Variants in LARGE1 observed in about 807,000 individuals in gnomAD.
LARGE1 encodes xylosyl- and glucuronyltransferase LARGE1.
A neutral mutation model predicts 87.6 loss-of-function variants in LARGE1; 43 were observed. The observed-to-expected ratio is 0.49, with a 90% CI of 0.38 to 0.63. LARGE1 has a LOEUF of 0.63. Ranked by LOEUF, LARGE1 falls within the 30% of genes least tolerant of loss-of-function variation. The probability of loss-of-function intolerance (pLI) is 0.00; values close to 1 mark genes in which losing one functional copy is unlikely to be tolerated. For missense variants in LARGE1, 802 were observed against 1,000.2 expected, an observed-to-expected ratio of 0.80 and a Z score of 2.67; for synonymous variants, 434 against 394.6, an observed-to-expected ratio of 1.10 and a Z score of -1.18.
chr22:33,876,577 C>T lies in LARGE1; in HGVS notation c.-83+43418G>A, dbSNP rs371374999. The stretch of plus-strand genomic sequence containing the variant: ...AACCAAACACTGCATTGTTCTCACT[C>T]ACAAGTGGGAGTTGAACAATGAGAA... On this transcript the variant is annotated intron_variant, in intron 1 of 14. Transcript: ENST00000397394. Among the ~76,000 whole-genome samples the T allele has an allele frequency of 5.9e-5, 9 of 151,504 alleles. No homozygotes were observed. The East Asian group carries it at 9.7e-4, about 16-fold the overall frequency.
chr22:33,434,923 T>G (rs1261427804), intron 6 of LARGE1, among the ~76,000 whole-genome samples: 1 of 152,188 alleles, frequency 6.6e-6, no homozygotes, highest in East Asian at 1.9e-4. Context: ...AAGTCTGAAC[T>G]ATTACTTTAT....
At chr22:33,620,396 A>G (rs1215041077) in intron 4 of LARGE1, among the ~76,000 whole-genome samples, 2 of 152,148 alleles carry the variant, frequency 1.3e-5, no homozygotes, top group South Asian at 2.1e-4. Context: ...AAGAGCAGCA[A>G]TATTTCCCCG....
intron 6 of LARGE1, among the ~76,000 whole-genome samples, chr22:33,488,994 C>T (rs1006464004): frequency 1.3e-5 from 2 of 152,160 alleles, no homozygotes; most frequent in Non-Finnish European, 2.9e-5. Flanking sequence ...TGTAGTTTAC[C>T]ACCTCCTCCT....
chr22:33,874,212 G>A (rs749063437), intron 1 of LARGE1, among the ~76,000 whole-genome samples: 16 of 152,158 alleles, frequency 1.1e-4, no homozygotes, highest in Admixed American at 2.0e-4. Flanking sequence ...CCTAAGACAT[G>A]CTGAGGTTAG....
the LARGE1 span, among the ~76,000 whole-genome samples, chr22:33,098,397 A>G: frequency 0.24 from 36,768 of 152,092 alleles, 5,035 homozygotes; most frequent in African/African-American, 0.37. Flanking sequence ...AGGCGGGCAG[A>G]TCACGAGGTC....
intron 7 of LARGE1, among the ~76,000 whole-genome samples, chr22:33,409,929 T>C (rs542444491): frequency 1.3e-5 from 2 of 151,056 alleles, no homozygotes; most frequent in South Asian, 4.2e-4. Context: ...CTATGGAGTC[T>C]AGGAGTTCAG....
At chr22:33,649,597 T>A (rs570340811) in intron 3 of LARGE1, among the ~76,000 whole-genome samples, 1 of 152,194 alleles carries the variant, frequency 6.6e-6, no homozygotes, top group African/African-American at 2.4e-5. Flanking sequence ...ACAGAAGTTA[T>A]GCAACTGGAT....
chr22:33,186,623 C>T (rs963311444), intron 11 of LARGE1, among the ~76,000 whole-genome samples: 2 of 152,120 alleles, frequency 1.3e-5, no homozygotes, highest in Admixed American at 6.6e-5. Flanking sequence ...TTCTACTCAG[C>T]ATTCTACTGG....
At chr22:33,515,133 T>A (rs1329157586) in intron 6 of LARGE1, among the ~76,000 whole-genome samples, 132 of 142,842 alleles carry the variant, frequency 9.2e-4, no homozygotes, top group South Asian at 4.2e-3. Context: ...AAAAAAAAAA[T>A]AAAAAATAAA....
intron 3 of LARGE1, among the ~76,000 whole-genome samples, chr22:33,634,652 T>G (rs973480089): frequency 2.0e-5 from 3 of 150,696 alleles, no homozygotes; most frequent in Admixed American, 1.3e-4. Context: ...GGGTATAGGC[T>G]TCTACTGCAA....
In LARGE1 at chr22:33,273,576, T is replaced by C. The variant is rs1928560277; in HGVS notation, c.*851A>G. On this transcript the variant is annotated 3_prime_UTR_variant, in exon 15 of 15. Transcript: ENST00000397394. ...AGCCCTCGTAATTCCGCAGTCCCCA[T>C]CGCTATAGCCCCTGGATTCTGGAGA... The C allele has an allele frequency of 5.0e-6, 2 of 398,756 alleles. No individual in the cohort carries two copies. Among genetic ancestry groups the C allele is most frequent in the East Asian group, 7.1e-5 (2 of 28,088 alleles). The allele number at this position is 398,756 out of a possible 1,614,324, so 24.7% of individuals were successfully genotyped here.
chr22:33,249,035 G>A (rs1283629184), intron 11 of LARGE1, among the ~76,000 whole-genome samples: 1 of 152,158 alleles, frequency 6.6e-6, no homozygotes, highest in East Asian at 1.9e-4. Flanking sequence ...GTAGGTTTTC[G>A]TGTGGACATA....
At chr22:33,679,936 G>T (rs76633471) in intron 2 of LARGE1, among the ~76,000 whole-genome samples, 1 of 152,200 alleles carries the variant, frequency 6.6e-6, no homozygotes, top group Non-Finnish European at 1.5e-5. Context: ...GTATGGTTTA[G>T]CCAATACCTT....
chr22:33,675,219 G>A lies in LARGE1; in HGVS notation c.107-24551C>T, dbSNP rs534490414. 5.4e-5 allele frequency among the ~76,000 whole-genome samples: 8 copies of A among 147,786 alleles called. No individual in the cohort carries two copies. The South Asian group carries it at 8.6e-4, about 16-fold the overall frequency. On this transcript the variant is annotated intron_variant, in intron 2 of 14. Transcript: ENST00000397394. ...TAAGGCAGCAGAATCGCTTGAACCC[G>A]GGAGGCAGAGGTTGCGGTGAGCCAA...
intron 6 of LARGE1, among the ~76,000 whole-genome samples, chr22:33,563,516 G>A (rs771234056): frequency 3.3e-5 from 5 of 152,132 alleles, no homozygotes; most frequent in African/African-American, 4.8e-5. Flanking sequence ...ACTGCCCCTC[G>A]TGAGTTCACT....
chr22:33,559,559 C>A (rs942133898), intron 6 of LARGE1, among the ~76,000 whole-genome samples: 7 of 152,222 alleles, frequency 4.6e-5, no homozygotes, highest in Non-Finnish European at 1.0e-4. Flanking sequence ...AAGGTACTAA[C>A]CCCATTCATA....
chr22:33,321,670 C>T (rs138277909), intron 10 of LARGE1, among the ~76,000 whole-genome samples: 2 of 152,218 alleles, frequency 1.3e-5, no homozygotes, highest in Non-Finnish European at 2.9e-5. Context: ...TGGGTGTGAG[C>T]GTGGGTAGGC....
rs189503190 is a variant in LARGE1 at position 33,897,335 on chromosome 22, G to C, written c.-83+22660C>G. 1.2e-4 allele frequency among the ~76,000 whole-genome samples: 18 copies of C among 152,270 alleles called. No individual in the cohort carries two copies. The East Asian group carries it at 1.9e-3, about 16-fold the overall frequency. ...TTTTTGCTCACCCAAAAAGCTGCAA[G>C]CAGTAAACTCTCATTGGTGGTCTAC... On this transcript the variant is annotated intron_variant, in intron 1 of 14. Coordinates refer to ENST00000397394, the MANE Select transcript of LARGE1 (RefSeq NM_133642.5).
At chr22:33,196,128 TAA>T (rs1555881696) in intron 11 of LARGE1, among the ~76,000 whole-genome samples, 2 of 103,078 alleles carry the variant, frequency 1.9e-5, no homozygotes, top group African/African-American at 3.4e-5. Flanking sequence ...CAAAGTAAAT[TAA>T]AAAAAAAAAA....
Sources: gnomAD v4.1 joint callset for allele counts (sites outside exome capture counted in the v4.1 genomes callset) on GRCh38, gnomAD v4.1.1 for gene constraint, MANE v1.5 for transcripts, NCBI Gene and HGNC (gene_info 2026-07-23, HGNC 2026-07-21) for gene names.